Variants in EXOC4 observed in about 807,000 individuals in gnomAD.
EXOC4 encodes SEC8-like 1.
A neutral mutation model predicts 107.2 loss-of-function variants in EXOC4; 71 were observed. That is an observed-to-expected ratio of 0.66 (90% confidence interval 0.55 to 0.81). The LOEUF (loss-of-function observed/expected upper bound fraction) is 0.81, where lower values mean the gene tolerates loss of function less well. Among genes scored for constraint, EXOC4 ranks in the 30% least tolerant of loss-of-function variants. The pLI, the probability that EXOC4 is intolerant of heterozygous loss-of-function variation, is 0.00. For missense variants in EXOC4, 1,108 were observed against 1,189.6 expected, an observed-to-expected ratio of 0.93 and a Z score of 1.01; for synonymous variants, 456 against 441.2, an observed-to-expected ratio of 1.03 and a Z score of -0.42.
Position 133,817,555 on chromosome 7 carries a change from A to C in EXOC4, c.1734+11A>C, listed in dbSNP as rs757924565. On this transcript the variant is annotated intron_variant, in intron 11 of 17. Coordinates refer to ENST00000253861, the MANE Select transcript of EXOC4 (RefSeq NM_021807.4). ...CGGCCTCTCCTACAGGTAATAATAC[A>C]CTTTGAACTTACTATTTTTATCAGC... The C allele has an allele frequency of 1.3e-6, 2 of 1,579,558 alleles. No homozygotes were observed. The highest frequency in any genetic ancestry group is 2.7e-5 in the African/African-American group (2 of 74,218).
chr7:134,008,303 ATTAAT>A (rs1360731470), intron 17 of EXOC4, among the ~76,000 whole-genome samples: 1 of 152,152 alleles, frequency 6.6e-6, no homozygotes, highest in Non-Finnish European at 1.5e-5. Context: ...GCAATTTTAT[ATTAAT>A]TTAATTTTGT....
chr7:133,870,092 G>T (rs1396207220), intron 11 of EXOC4, among the ~76,000 whole-genome samples: 1 of 152,126 alleles, frequency 6.6e-6, no homozygotes, highest in East Asian at 1.9e-4. Flanking sequence ...ATTCTATACT[G>T]TGCTATATCT....
At chr7:133,428,084 G>A (rs1176707093) in intron 7 of EXOC4, among the ~76,000 whole-genome samples, 1 of 152,230 alleles carries the variant, frequency 6.6e-6, no homozygotes, top group African/African-American at 2.4e-5. Flanking sequence ...CCTAATGGAA[G>A]CTTAAAAATG....
intron 10 of EXOC4, among the ~76,000 whole-genome samples, chr7:133,706,299 TATG>T (rs1378721896): frequency 2.6e-5 from 4 of 152,236 alleles, no homozygotes; most frequent in Admixed American, 1.3e-4. Flanking sequence ...AGCATACTAC[TATG>T]ATTTTACTTT....
intron 13 of EXOC4, among the ~76,000 whole-genome samples, chr7:133,922,985 G>A (rs1213937925): frequency 1.1e-5 from 1 of 88,418 alleles, no homozygotes; most frequent in Admixed American, 8.5e-5. Context: ...TGAATATCCT[G>A]GGTTTTTTTT....
At position 133,428,443 on chromosome 7, in the gene EXOC4, A is replaced by T. The variant is rs555042479; in HGVS notation, c.1183-46885A>T. Reference sequence around the variant, plus strand: ...AAGCATTTGCCATCAAGCAGAGCACATGCCTTAGAGTGATCAGGAAGAAGC... The same window carrying T: ...AAGCATTTGCCATCAAGCAGAGCACTTGCCTTAGAGTGATCAGGAAGAAGC... On this transcript the variant is annotated intron_variant, in intron 7 of 17. Coordinates refer to ENST00000253861, the MANE Select transcript of EXOC4 (RefSeq NM_021807.4). Among the ~76,000 whole-genome samples the T allele has an allele frequency of 6.6e-5, 10 of 152,350 alleles. No homozygotes were observed. The South Asian group carries it at 2.1e-3, about 32-fold the overall frequency.
At chr7:133,942,254 T>C (rs981985037) in intron 14 of EXOC4, among the ~76,000 whole-genome samples, 2 of 151,820 alleles carry the variant, frequency 1.3e-5, no homozygotes, top group Admixed American at 6.5e-5. Context: ...TTCTACTCCA[T>C]ACCATCTAGG....
chr7:133,490,064 T>C (rs1196940225), intron 9 of EXOC4, among the ~76,000 whole-genome samples: 1 of 152,150 alleles, frequency 6.6e-6, no homozygotes, highest in Non-Finnish European at 1.5e-5. Flanking sequence ...GGTGTGGATA[T>C]GAATGGAATG....
chr7:133,981,811 G>C (rs1417604885), intron 14 of EXOC4, among the ~76,000 whole-genome samples: 2 of 152,010 alleles, frequency 1.3e-5, no homozygotes, highest in Non-Finnish European at 1.5e-5. Context: ...TGCAAATGTT[G>C]ACTGCAGCAC....
chr7:133,878,798 A>T (rs561659102), intron 11 of EXOC4, among the ~76,000 whole-genome samples: 222 of 152,204 alleles, frequency 1.5e-3, no homozygotes, highest in Non-Finnish European at 2.7e-3. Context: ...ATCTTGGCTC[A>T]CTGCAGCCTC....
the EXOC4 span, among the ~76,000 whole-genome samples, chr7:134,097,229 T>C: frequency 6.6e-6 from 1 of 152,128 alleles, no homozygotes; most frequent in Non-Finnish European, 1.5e-5. Flanking sequence ...ATATATTCTT[T>C]TTTTAAGCCT....
At chr7:133,652,851 A>G (rs1585056007) in intron 10 of EXOC4, among the ~76,000 whole-genome samples, 1 of 152,358 alleles carries the variant, frequency 6.6e-6, no homozygotes, top group East Asian at 1.9e-4. Context: ...TTTTGTGGCA[A>G]TATCCTAAAA....
intron 9 of EXOC4, among the ~76,000 whole-genome samples, chr7:133,513,430 T>C (rs1238333622): frequency 6.6e-6 from 1 of 152,196 alleles, no homozygotes; most frequent in Non-Finnish European, 1.5e-5. Context: ...TAAGATATTT[T>C]ACACATTTTT....
At chr7:133,480,346 T>C in intron 9 of EXOC4, 1 of 1,377,892 alleles carries the variant, frequency 7.3e-7, no homozygotes, top group Non-Finnish European at 9.4e-7. Context: ...GACCTGCTAC[T>C]GTTCAAGTGG....
At chr7:133,954,654 G>A (rs1037764167) in intron 14 of EXOC4, among the ~76,000 whole-genome samples, 1 of 152,226 alleles carries the variant, frequency 6.6e-6, no homozygotes, top group Non-Finnish European at 1.5e-5. Flanking sequence ...GTGGCCACTG[G>A]TGCCTTTGCC....
chr7:133,855,094 T>TATATATAAATATATATAA (rs1554409758), intron 11 of EXOC4, among the ~76,000 whole-genome samples: 1 of 84,426 alleles, frequency 1.2e-5, no homozygotes, highest in Non-Finnish European at 2.1e-5. Flanking sequence ...TATATATAAA[T>TATATATAAATATATATAA]ATATATATAA....
chr7:134,049,463 G>A (rs958098109), intron 17 of EXOC4, among the ~76,000 whole-genome samples: 6 of 152,074 alleles, frequency 3.9e-5, no homozygotes, highest in Admixed American at 1.3e-4. Context: ...CCCAAATACC[G>A]TATTCTTCCT....
At chr7:133,519,780 A>G (rs1231007160) in intron 9 of EXOC4, among the ~76,000 whole-genome samples, 3 of 152,196 alleles carry the variant, frequency 2.0e-5, no homozygotes, top group Non-Finnish European at 4.4e-5. Context: ...AAGTTTTCAG[A>G]TGAACTTCCC....
At chr7:134,030,537 C>T (rs758199891) in intron 17 of EXOC4, among the ~76,000 whole-genome samples, 29 of 152,256 alleles carry the variant, frequency 1.9e-4, no homozygotes, top group African/African-American at 5.8e-4. Flanking sequence ...AGCTTAGCAC[C>T]GCTGATGAGA....
Sources: gnomAD v4.1 joint callset for allele counts (sites outside exome capture counted in the v4.1 genomes callset) on GRCh38, gnomAD v4.1.1 for gene constraint, MANE v1.5 for transcripts, NCBI Gene and HGNC (gene_info 2026-07-23, HGNC 2026-07-21) for gene names.